Variants in IGSF1 observed in about 807,000 individuals in gnomAD.
The protein encoded by IGSF1 is immunoglobulin-like domain-containing protein 1.
A neutral mutation model predicts 95.3 loss-of-function variants in IGSF1; 40 were observed. That is an observed-to-expected ratio of 0.42 (90% CI 0.33 to 0.55). The LOEUF is 0.55. IGSF1 is among the 20% of genes least tolerant of loss of function. The pLI, the probability that IGSF1 is intolerant of heterozygous loss-of-function variation, is 0.10. For synonymous variants in IGSF1, 372 were observed against 382.9 expected, an observed-to-expected ratio of 0.97 and a Z score of 0.33; for missense variants, 906 against 1,025.4, an observed-to-expected ratio of 0.88 and a Z score of 1.59.
intron 9 of IGSF1, 184 bp downstream of exon 9, chrX:131,281,034 C>T (rs2080550800): frequency 2.2e-6 from 1 of 451,902 alleles, no homozygotes; most frequent in Non-Finnish European, 3.9e-6. Context: ...TCTCCACCCG[C>T]TGGCTTGAGT....
chrX:131,281,233 C>T lies in IGSF1; in HGVS notation c.1631G>A (p.Arg544Gln), dbSNP rs773933133. 39 of 1,208,906 alleles carry T rather than the reference C, an allele frequency of 3.2e-5. No individual in the cohort carries two copies. Among genetic ancestry groups the T allele is most frequent in the South Asian group, 2.5e-4 (14 of 56,719 alleles). Residue 544 changes from arginine to glutamine, a missense_variant, in exon 9 of 20, where the codon CGG becomes CAG. This residue lies in a region of IGSF1 where 442 missense variants were observed against 448.1 expected (regional missense o/e 0.99). Coordinates refer to ENST00000361420, the MANE Select transcript of IGSF1 (RefSeq NM_001555.5). The part of the protein sequence containing the change: ...LVVLWIRWKC[R>Q]RLRIREAWLL... ...AGACAGTTACCTGATTCTGAGTCTC[C>T]GACACTTCCACCTTATCCACAGCAC...
rs1349767206 is a variant in IGSF1, at chrX:131,282,521, T to C, written c.1169A>G (p.Tyr390Cys). The change falls in exon 7 of 20, where the codon TAT (tyrosine) becomes TGT (cysteine). Residue 390 changes from tyrosine (Y) to cysteine (C), a missense_variant. Tyr to Cys is a radical substitution (Grantham distance 194). Around this residue, in one of 5 missense-constraint regions of IGSF1, gnomAD observed 442 missense variants for 448.1 expected, o/e 0.99. Transcript: ENST00000361420. The stretch of plus-strand genomic sequence containing the variant: ...CCAGGTGAGAAGATAGTGGCAGCTA[T>C]AGATGCCAGTATCACTGTAGGTTAC... ...NNVTYSDTGI[Y>C]SCHYLLTWKT... 8.3e-7 allele frequency: 1 copy of C among 1,203,689 alleles called. No individual in the cohort carries two copies. The highest frequency in any genetic ancestry group is 1.1e-6 in the Non-Finnish European group (1 of 889,221).
intron 7 of IGSF1, 134 bp downstream of exon 7, chrX:131,282,310 C>CAT (rs1556191268): frequency 2.2e-5 from 10 of 450,840 alleles, no homozygotes; most frequent in East Asian, 1.6e-4. Flanking sequence ...CTTCCTAGTG[C>CAT]GTGTGTGTGT....
At position 131,277,056 on chromosome X, in the gene IGSF1, C is replaced by T; in HGVS notation, c.2491G>A (p.Ala831Thr). 1 of 1,211,141 alleles carries T rather than the reference C, an allele frequency of 8.3e-7. No individual in the cohort carries two copies. The highest frequency in any genetic ancestry group is 1.1e-6 in the Non-Finnish European group (1 of 895,212). Residue 831 changes from alanine to threonine, a missense_variant, in exon 14 of 20, where the codon GCA (alanine) becomes ACA (threonine). Physicochemically the swap from Ala to Thr is moderately conservative, Grantham distance 58. Around this residue, in one of 5 missense-constraint regions of IGSF1, gnomAD observed 411 missense variants for 494.9 expected, o/e 0.83. Coordinates refer to ENST00000361420, the MANE Select transcript of IGSF1 (RefSeq NM_001555.5). ...DRSWASPGAS[A>T]AHFLIISVGI... ...ACCGAAATGATTAGAAAGTGAGCTG[C>T]ACTGGCCCCCGGACTTGCCCAGGAC...
Position 131,281,683 on chromosome X carries a change from T to C in IGSF1, c.1508A>G (p.Lys503Arg), listed in dbSNP as rs1401870775. The C allele has an allele frequency of 9.1e-6, 11 of 1,208,861 alleles. No individual in the cohort carries two copies. Among genetic ancestry groups the C allele is most frequent in the Non-Finnish European group, 1.1e-5 (10 of 894,566 alleles). The change falls in exon 8 of 20, where the codon AAG becomes AGG. Residue 503 changes from lysine (K) to arginine (R), a missense_variant. Lys to Arg is a conservative substitution (Grantham distance 26). Transcript: ENST00000361420. ...CCTCTCACCTGCTGGCCCCATCAGC[T>C]TCAGGGGCTCACTGCGATGTGACCA... ...NIWSHRSEPLKLMGPAGYLTW... is the reference protein window; with the variant it reads ...NIWSHRSEPLRLMGPAGYLTW...
Position 131,281,425 on chromosome X carries a change from T to C in IGSF1, c.1526-87A>G, listed in dbSNP as rs2080557815. The stretch of plus-strand genomic sequence containing the variant: ...CATGGGGTGAGGACAATCTGGTTAC[T>C]GACAGTGCTTATATTGAGAAGGTGA... On this transcript the variant is annotated intron_variant, in intron 8 of 19. Coordinates refer to ENST00000361420, the MANE Select transcript of IGSF1 (RefSeq NM_001555.5). The C allele has an allele frequency of 3.0e-5, 32 of 1,076,566 alleles. No individual in the cohort carries two copies. The South Asian group carries it at 6.3e-4, about 21-fold the overall frequency. The allele number at this position is 1,076,566 out of a possible 1,213,427, so 88.7% of individuals were successfully genotyped here.
At chrX:131,284,667 G>A in intron 5 of IGSF1, 1 of 750,252 alleles carries the variant, frequency 1.3e-6, no homozygotes, top group Non-Finnish European at 1.6e-6. Flanking sequence ...GGGAACCAAG[G>A]TGATTTATAA....
At chrX:131,284,086 G>A (rs2080599647) in intron 5 of IGSF1, 1 of 702,256 alleles carries the variant, frequency 1.4e-6, no homozygotes, top group African/African-American at 2.3e-5. Context: ...AAGGGCATGA[G>A]TACAACAAAC....
In IGSF1 at chrX:131,278,652, C is replaced by T. The variant is rs2080511353; in HGVS notation, c.1850G>A (p.Gly617Asp). Residue 617 changes from glycine (G) to aspartate (D), a missense_variant, in exon 12 of 20, where the codon GGC (glycine) becomes GAC (aspartate). Gly to Asp is a moderately conservative substitution (Grantham distance 94, BLOSUM62 -1). Coordinates refer to ENST00000361420, the MANE Select transcript of IGSF1 (RefSeq NM_001555.5). ...NLTLWCRSPS[G>D]STKEFVLLKD... ...CAGCAACACAAACTCCTTAGTTGAG[C>T]CAGAAGGGCTTCTGCACCAGAGGGT... 5 of 1,209,343 alleles carry T rather than the reference C, an allele frequency of 4.1e-6. No individual in the cohort carries two copies. The highest frequency in any genetic ancestry group is 5.6e-6 in the Non-Finnish European group (5 of 894,375).
At chrX:131,288,088 G>A (rs1282296990) in intron 1 of IGSF1, among the ~76,000 whole-genome samples, 1 of 111,649 alleles carries the variant, frequency 9.0e-6, no homozygotes, top group East Asian at 2.8e-4. Flanking sequence ...GGGAACAAGT[G>A]GACAGTGAGA....
chrX:131,281,083 A>G, intron 9 of IGSF1, 135 bp downstream of exon 9: 1 of 680,814 alleles, frequency 1.5e-6, no homozygotes, highest in Non-Finnish European at 2.3e-6. Flanking sequence ...AGGTGGGGTG[A>G]GAAAGTCTTG....
chrX:131,274,917 T>C, intron 17 of IGSF1, 40 bp from the exon 18 acceptor site: 2 of 1,202,091 alleles, frequency 1.7e-6, no homozygotes, highest in Non-Finnish European at 2.2e-6. Flanking sequence ...GAAATGATCC[T>C]GAACTTAGCC....
At chrX:131,279,577 C>T (rs1387272479) in intron 9 of IGSF1, among the ~76,000 whole-genome samples, 6 of 108,643 alleles carry the variant, frequency 5.5e-5, no homozygotes, top group Non-Finnish European at 9.6e-5. Flanking sequence ...CTCCCCACTC[C>T]GCAGCCTATA....
At chrX:131,279,805 C>T (rs747317922) in intron 9 of IGSF1, among the ~76,000 whole-genome samples, 7 of 111,616 alleles carry the variant, frequency 6.3e-5, no homozygotes, top group Admixed American at 9.5e-5. Flanking sequence ...AGTATTGGTC[C>T]TCAGACCCAC....
intron 19 of IGSF1, 71 bp downstream of exon 19, chrX:131,274,012 A>C: frequency 8.3e-7 from 1 of 1,204,168 alleles, no homozygotes; most frequent in East Asian, 3.0e-5. Context: ...ATACTAGGGG[A>C]GCATTTGTAT....
intron 15 of IGSF1, 84 bp downstream of exon 15, chrX:131,275,877 A>G (rs1056672499): frequency 3.6e-5 from 42 of 1,152,887 alleles, no homozygotes; most frequent in Non-Finnish European, 4.6e-5. Flanking sequence ...TCCGTGGCCT[A>G]GCCTAGCCTT....
At chrX:131,280,644 G>C (rs112932015) in intron 9 of IGSF1, among the ~76,000 whole-genome samples, 5 of 112,144 alleles carry the variant, frequency 4.5e-5, no homozygotes, top group African/African-American at 1.3e-4. Flanking sequence ...AGAGGAAACA[G>C]TCTGATTCTG....
Position 131,285,998 on chromosome X carries a change from G to T in IGSF1, c.148C>A (p.Pro50Thr), listed in dbSNP as rs371848902. 2 of 1,209,684 alleles carry T rather than the reference G, an allele frequency of 1.7e-6. No individual in the cohort carries two copies. Among genetic ancestry groups the T allele is most frequent in the Non-Finnish European group, 2.2e-6 (2 of 894,046 alleles). Residue 50 changes from proline to threonine, a missense_variant, in exon 4 of 20, where the codon CCT becomes ACT. Around this residue, in one of 5 missense-constraint regions of IGSF1, gnomAD observed 442 missense variants for 448.1 expected, o/e 0.99. Transcript: ENST00000361420. Reference sequence around the variant, plus strand: ...CACCAAAGCGTGATGTTCTCCCAAGGGGCCTGGGGGTAGTTGGACTCTATC... The same window carrying T: ...CACCAAAGCGTGATGTTCTCCCAAGTGGCCTGGGGGTAGTTGGACTCTATC... ...LWIESNYPQA[P>T]WENITLWCRS... is the part of the protein sequence containing the mutation.
At position 131,278,606 on chromosome X, in the gene IGSF1, G is replaced by T. The variant is rs772551917; in HGVS notation, c.1896C>A (p.Ile632=). ...FVLLKDGTGW[I]ATRPASEQVR... ...CCTGCTCTGAGGCCGGGCGAGTGGC[G>T]ATCCACCCGGTCCCATCCTTCAGCA... is the stretch of plus-strand genomic sequence containing the variant. Residue 632 remains isoleucine (I), a synonymous_variant, in exon 12 of 20, where the codon ATC becomes ATA. Transcript: ENST00000361420. The T allele has an allele frequency of 8.3e-7, 1 of 1,211,330 alleles. No individual in the cohort carries two copies. The highest frequency in any genetic ancestry group is 2.2e-5 in the Admixed American group (1 of 46,055).
Sources: gnomAD v4.1 joint callset for allele counts (sites outside exome capture counted in the v4.1 genomes callset) on GRCh38, gnomAD v4.1.1 for gene constraint, gnomAD v4.1.1 regional missense constraint, MANE v1.5 for transcripts, NCBI Gene and HGNC (gene_info 2026-07-23, HGNC 2026-07-21) for gene names.